The following ACSM5 variants were observed in gnomAD, a reference collection of about 807,000 sequenced individuals.
The protein encoded by ACSM5 is acyl-coenzyme A synthetase ACSM5, mitochondrial.
A neutral mutation model predicts 71.6 loss-of-function variants in ACSM5; 56 were observed. That is an observed-to-expected ratio of 0.78 (90% CI 0.63 to 0.98). The LOEUF is 0.98. ACSM5 is among the 50% of genes least tolerant of loss of function. The probability of loss-of-function intolerance (pLI) is 0.00; values close to 1 mark genes in which losing one functional copy is unlikely to be tolerated. For synonymous variants in ACSM5, 285 were observed against 281.5 expected, an observed-to-expected ratio of 1.01 and a Z score of -0.12; for missense variants, 723 against 726.0, an observed-to-expected ratio of 1.00 and a Z score of 0.05.
At chr16:20,427,484 GA>G (rs1013290576) in intron 6 of ACSM5, among the ~76,000 whole-genome samples, 1 of 152,258 alleles carries the variant, frequency 6.6e-6, no homozygotes, top group African/African-American at 2.4e-5. Flanking sequence ...AAGGCAGAGA[GA>G]AAGAATATCC....
At chr16:20,434,629 G>A (rs548260141) in intron 10 of ACSM5, among the ~76,000 whole-genome samples, 1 of 152,314 alleles carries the variant, frequency 6.6e-6, no homozygotes, top group African/African-American at 2.4e-5. Context: ...GGGAGGCAGA[G>A]GTTGCAGTGA....
chr16:20,427,035 G>A lies in ACSM5; in HGVS notation c.922-753G>A, dbSNP rs1229855393. ...AGTTCACTGGTGGCCGGGCACAGTG[G>A]TTCATACCTGTAATCCCAGCACTTT... is the stretch of plus-strand genomic sequence containing the variant. On this transcript the variant is annotated intron_variant, in intron 6 of 13. Coordinates refer to ENST00000331849, the MANE Select transcript of ACSM5 (RefSeq NM_017888.3). Among the ~76,000 whole-genome samples the A allele has an allele frequency of 3.3e-5, 5 of 151,090 alleles. No individual in the cohort carries two copies. The South Asian group carries it at 1.1e-3, about 32-fold the overall frequency.
chr16:20,410,206 C>A (rs548272035), intron 1 of ACSM5, among the ~76,000 whole-genome samples: 1 of 152,012 alleles, frequency 6.6e-6, no homozygotes. Context: ...CTTGTTGTGC[C>A]ACGTTATTAT....
At chr16:20,419,192 G>A (rs750849088) in intron 3 of ACSM5, 36 bp from the exon 4 acceptor site, 35 of 1,608,698 alleles carry the variant, frequency 2.2e-5, no homozygotes, top group Middle Eastern at 1.6e-4. Context: ...GGCCTTCCCC[G>A]CTATCCACTC....
intron 1 of ACSM5, 104 bp from the exon 2 acceptor site, chr16:20,411,366 A>T (rs1966847279): frequency 1.2e-6 from 1 of 864,892 alleles, no homozygotes; most frequent in Admixed American, 2.1e-5. Context: ...GTCAGTAAGG[A>T]TCACAGTCAC....
intron 4 of ACSM5, 181 bp from the exon 5 acceptor site, chr16:20,421,077 G>C: frequency 3.5e-6 from 2 of 576,296 alleles, no homozygotes; most frequent in Non-Finnish European, 2.6e-6. Flanking sequence ...GTCTGCAAAA[G>C]GGTTATAATG....
In ACSM5 at chr16:20,411,695, C is replaced by A. The variant is rs749225460; in HGVS notation, c.204+7C>A. 3.1e-6 allele frequency: 5 copies of A among 1,613,428 alleles called. No homozygotes were observed. The highest frequency in any genetic ancestry group is 1.8e-4 in the Middle Eastern group (1 of 5,542). Reference sequence around the variant, plus strand: ...GTGGAGTCGGCTGGAAGAGGTGAAGCCTGTTCTGTCCTAGAGTCCATCTGG... The same window carrying A: ...GTGGAGTCGGCTGGAAGAGGTGAAGACTGTTCTGTCCTAGAGTCCATCTGG... On this transcript the variant is annotated splice_region_variant and intron_variant, in intron 2 of 13. Coordinates refer to ENST00000331849, the MANE Select transcript of ACSM5 (RefSeq NM_017888.3).
chr16:20,411,504 A>G lies in ACSM5; in HGVS notation c.20A>G (p.His7Arg). The change falls in exon 2 of 14, where the codon CAC becomes CGC. Residue 7 changes from histidine to arginine, a missense_variant. Transcript: ENST00000331849. Reference sequence around the variant, plus strand: ...GACTGCATGAGACCATGGCTGAGACACCTAGTCCTCCAGGCACTGAGGAAC... The same window carrying G: ...GACTGCATGAGACCATGGCTGAGACGCCTAGTCCTCCAGGCACTGAGGAAC... MRPWLRHLVLQALRNSR... is the reference protein window; with the variant it reads MRPWLRRLVLQALRNSR... 1 of 1,614,060 alleles carries G rather than the reference A, an allele frequency of 6.2e-7. No homozygotes were observed. The highest frequency in any genetic ancestry group is 1.1e-5 in the South Asian group (1 of 91,070).
chr16:20,431,094 C>T, intron 9 of ACSM5, 21 bp downstream of exon 9: 1 of 1,608,300 alleles, frequency 6.2e-7, no homozygotes, highest in Non-Finnish European at 8.5e-7. Flanking sequence ...CCCCCAACTT[C>T]TGGCAAGGCC....
chr16:20,440,449 G>C lies in ACSM5; in HGVS notation c.*22G>C. 1 of 1,596,400 alleles carries C rather than the reference G, an allele frequency of 6.3e-7. No individual in the cohort carries two copies. Among genetic ancestry groups the C allele is most frequent in the South Asian group, 1.1e-5 (1 of 90,814 alleles). On this transcript the variant is annotated 3_prime_UTR_variant, in exon 14 of 14. Coordinates refer to ENST00000331849, the MANE Select transcript of ACSM5 (RefSeq NM_017888.3). Reference sequence around the variant, plus strand: ...ATGAGGTGCACCCCAGGAAGGCCCCGTAGACCTCCGAAGACTCCACAAGAA... The same window carrying C: ...ATGAGGTGCACCCCAGGAAGGCCCCCTAGACCTCCGAAGACTCCACAAGAA...
intron 7 of ACSM5, among the ~76,000 whole-genome samples, chr16:20,428,960 A>G (rs2141654938): frequency 6.6e-6 from 1 of 151,854 alleles, no homozygotes; most frequent in South Asian, 2.1e-4. Flanking sequence ...TCTAATTTTT[A>G]TCTTTTCCAT....
chr16:20,416,231 G>T (rs1966856114), intron 2 of ACSM5, among the ~76,000 whole-genome samples: 1 of 148,700 alleles, frequency 6.7e-6, no homozygotes, highest in East Asian at 2.0e-4. Context: ...TAGACAACCT[G>T]ATTCAAAAAC....
intron 10 of ACSM5, among the ~76,000 whole-genome samples, chr16:20,434,875 A>G (rs1194079654): frequency 1.3e-5 from 2 of 152,240 alleles, no homozygotes; most frequent in Non-Finnish European, 2.9e-5. Flanking sequence ...CAACTCATTT[A>G]GAAGTGTTTT....
intron 10 of ACSM5, among the ~76,000 whole-genome samples, chr16:20,435,927 TTTC>T (rs1967183311): frequency 7.2e-6 from 1 of 139,818 alleles, no homozygotes; most frequent in Non-Finnish European, 1.6e-5. Flanking sequence ...TCTTTCTTTC[TTTC>T]TTTTCTTTCC....
chr16:20,433,533 G>A (rs1228216413), intron 10 of ACSM5, among the ~76,000 whole-genome samples: 1 of 151,926 alleles, frequency 6.6e-6, no homozygotes. Flanking sequence ...TTATGTAAAG[G>A]ATTATATTAT....
intron 2 of ACSM5, among the ~76,000 whole-genome samples, chr16:20,412,570 G>T (rs1426036627): frequency 6.6e-6 from 1 of 152,082 alleles, no homozygotes; most frequent in Non-Finnish European, 1.5e-5. Flanking sequence ...TGTGTTACAT[G>T]ATACTAACTT....
intron 10 of ACSM5, among the ~76,000 whole-genome samples, chr16:20,436,071 C>A (rs184329673): frequency 9.7e-5 from 13 of 134,392 alleles, no homozygotes; most frequent in Middle Eastern, 9.5e-3. Context: ...TCCTTCATTC[C>A]TTCTTCTTCC....
Position 20,437,330 on chromosome 16 carries a change from C to T in ACSM5, c.1499C>T (p.Ser500Leu), listed in dbSNP as rs533116284. ...GCAGAGCATCCTGCTGTCCTGGAGT[C>T]GGCTGTGGTCAGCAGCCCAGACCCC... ...ALAEHPAVLESAVVSSPDPIR... is the reference protein window; with the variant it reads ...ALAEHPAVLELAVVSSPDPIR... The change falls in exon 12 of 14, where the codon TCG becomes TTG. Residue 500 changes from serine to leucine, a missense_variant. Transcript: ENST00000331849. The T allele has an allele frequency of 1.8e-4, 291 of 1,613,930 alleles. 2 individuals are homozygous for T. The South Asian group carries it at 2.9e-3, about 16-fold the overall frequency.
chr16:20,421,175 G>T, intron 4 of ACSM5, 83 bp from the exon 5 acceptor site: 1 of 1,442,124 alleles, frequency 6.9e-7, no homozygotes, highest in Non-Finnish European at 9.2e-7. Flanking sequence ...TGAAACGGTA[G>T]TCATATTGTT....
Sources: allele counts gnomAD v4.1 joint callset (sites outside exome capture counted in the v4.1 genomes callset), GRCh38; gene constraint gnomAD v4.1.1; transcripts MANE v1.5; gene names NCBI Gene and HGNC (gene_info 2026-07-23, HGNC 2026-07-21).